The following MAX variants were observed in gnomAD, a reference collection of about 807,000 sequenced individuals.
The protein encoded by MAX is protein max.
Under a neutral mutation model 22.3 loss-of-function variants are expected in MAX, and 3 were observed. The observed-to-expected ratio is 0.13, with a 90% CI of 0.06 to 0.35. MAX has a LOEUF of 0.35. Ranked by LOEUF, MAX falls within the 10% of genes least tolerant of loss-of-function variation. MAX has a pLI of 1.00. For synonymous variants in MAX, 72 were observed against 77.7 expected (o/e 0.93, Z 0.39); for missense variants, 119 against 209.4 (o/e 0.57, Z 2.66).
At chr14:65,094,009 G>C in intron 2 of MAX, 194 bp from the exon 3 acceptor site, 1 of 633,316 alleles carries the variant, frequency 1.6e-6, no homozygotes, top group South Asian at 1.7e-5. Flanking sequence ...GGTGAGCAAC[G>C]CTTGCGACAG....
At chr14:65,050,865 CT>C (rs2062591105) in intron 3 of MAX, among the ~76,000 whole-genome samples, 1 of 152,170 alleles carries the variant, frequency 6.6e-6, no homozygotes, top group Non-Finnish European at 1.5e-5. Flanking sequence ...AGAAAATAAT[CT>C]TAAGCATACA....
chr14:65,077,879 C>T lies in MAX; in HGVS notation c.295+34G>A, dbSNP rs983390968. 1 of 1,614,074 alleles carries T rather than the reference C, an allele frequency of 6.2e-7. No individual in the cohort carries two copies. Among genetic ancestry groups the T allele is most frequent in the Non-Finnish European group, 8.5e-7 (1 of 1,180,036 alleles). On this transcript the variant is annotated intron_variant, in intron 4 of 4. Transcript: ENST00000358664. The surrounding 1 kb of genome is among the most constrained non-coding windows in gnomAD (Gnocchi z 6.3). ...AAAGCCTGACCTGGCTGGAGCACAG[C>T]AGGGCCAGCTGCCCCACGAGCTCGG... is the stretch of plus-strand genomic sequence containing the variant.
chr14:65,008,610 G>A (rs1240949517), intron 3 of MAX, among the ~76,000 whole-genome samples: 2 of 152,248 alleles, frequency 1.3e-5, no homozygotes, highest in Non-Finnish European at 2.9e-5. Context: ...TGAATCTGTA[G>A]GTGGAATAGG....
At position 65,093,581 on chromosome 14, in the gene MAX, TAAGGCAACC is replaced by T. The variant is rs2063575819; in HGVS notation, c.171+118_171+126del. The T allele has an allele frequency of 4.2e-6, 3 of 712,332 alleles. No homozygotes were observed. The highest frequency in any genetic ancestry group is 7.8e-6 in the Non-Finnish European group (3 of 384,476). 44.1% of individuals were successfully genotyped at this position (712,332 alleles called of 1,614,324 possible). On this transcript the variant is annotated intron_variant, in intron 3 of 4. Coordinates refer to ENST00000358664, the MANE Select transcript of MAX (RefSeq NM_002382.5). This position sits in a 1 kb window ranked among gnomAD's most constrained non-coding sequence, Gnocchi z 4.4. ...CAGTGATCCTCCAAACAGTCAAAAATAAGGCAACCATGCTACCTGAATATCTCTGACTAC... is the reference window on the plus strand; with the variant it reads ...CAGTGATCCTCCAAACAGTCAAAAATATGCTACCTGAATATCTCTGACTAC...
chr14:65,045,019 T>A (rs908596117), intron 3 of MAX, among the ~76,000 whole-genome samples: 2 of 152,054 alleles, frequency 1.3e-5, no homozygotes, highest in Non-Finnish European at 2.9e-5. Flanking sequence ...TAAATGGGAG[T>A]TTGTTCCACC....
rs2063037437 is a variant in MAX, at chr14:65,075,593, C to A, written c.*883G>T. The A allele has an allele frequency of 2.8e-6, 3 of 1,066,200 alleles. No individual in the cohort carries two copies. Among genetic ancestry groups the A allele is most frequent in the South Asian group, 9.1e-5 (2 of 21,996 alleles). The allele number at this position is 1,066,200 out of a possible 1,614,324, so 66.0% of individuals were successfully genotyped here. A position where few individuals can be genotyped will look rare whatever the true frequency, so the allele number is the denominator to read the frequency against. ...ATCTGTCGCTTTGCAAGACCGACAT[C>A]ATCAGAAATAGGTACAATTCACTCA... On this transcript the variant is annotated 3_prime_UTR_variant, in exon 5 of 5. Coordinates refer to ENST00000358664, the MANE Select transcript of MAX (RefSeq NM_002382.5). This position sits in a 1 kb window ranked among gnomAD's most constrained non-coding sequence, Gnocchi z 4.1.
Position 65,027,155 on chromosome 14 carries a change from C to T in MAX, c.172-20871G>A, listed in dbSNP as rs192968647. 5.3e-5 allele frequency among the ~76,000 whole-genome samples: 8 copies of T among 152,282 alleles called. No homozygotes were observed. Among genetic ancestry groups the T allele is most frequent in the Admixed American group, 1.3e-4 (2 of 15,288 alleles). ...CTGGGAAAGGTTTGTGTGGGAAGCA[C>T]GGGAGACTCTTACCCCATAGCTACG... On this transcript the variant is annotated intron_variant, in intron 3 of 3. Transcript: ENST00000341653. This position sits in a 1 kb window ranked among gnomAD's most constrained non-coding sequence, Gnocchi z 5.7.
At position 65,014,181 on chromosome 14, in the gene MAX, G is replaced by T. The variant is rs905472912; in HGVS notation, c.172-7897C>A. Among the ~76,000 whole-genome samples, 19 of 152,292 alleles carry T rather than the reference G, an allele frequency of 1.2e-4. No homozygotes were observed. Among genetic ancestry groups the T allele is most frequent in the Admixed American group, 2.6e-4 (4 of 15,298 alleles). On this transcript the variant is annotated intron_variant, in intron 3 of 3. Transcript: ENST00000341653. This position sits in a 1 kb window ranked among gnomAD's most constrained non-coding sequence, Gnocchi z 5.1. Reference sequence around the variant, plus strand: ...TTGCTATTTTTATAATCTGAAAAAGGTTAATCTTTGGACCTCATTTATATA... The same window carrying T: ...TTGCTATTTTTATAATCTGAAAAAGTTTAATCTTTGGACCTCATTTATATA...
intron 3 of MAX, among the ~76,000 whole-genome samples, chr14:65,039,801 G>T (rs563822021): frequency 2.6e-4 from 39 of 152,066 alleles, no homozygotes; most frequent in African/African-American, 7.5e-4. Flanking sequence ...TAAAAATAAC[G>T]TTTATTTTTT....
At chr14:65,070,548 G>T (rs546524380), downstream of MAX, among the ~76,000 whole-genome samples, 1 of 152,300 alleles carries the variant, frequency 6.6e-6, no homozygotes, top group South Asian at 2.1e-4. The surrounding 1 kb of genome is among the most constrained non-coding windows in gnomAD (Gnocchi z 4.4). Context: ...GAGGGGACCT[G>T]CTCGGCTGGT....
chr14:65,021,921 T>C (rs140793432), intron 3 of MAX: 113 of 455,910 alleles, frequency 2.5e-4, no homozygotes, highest in African/African-American at 1.9e-3. Flanking sequence ...GCTAGGATTA[T>C]AGGCGTGAGC....
intron 2 of MAX, among the ~76,000 whole-genome samples, chr14:65,097,216 G>C (rs997553005): frequency 6.6e-6 from 1 of 152,200 alleles, no homozygotes; most frequent in African/African-American, 2.4e-5. Context: ...CTTAAGTGTT[G>C]TTAGATGTTG....
rs879664043 is a variant in MAX at position 65,082,766 on chromosome 14, TA to T, written c.172-4731del. Among the ~76,000 whole-genome samples the T allele has an allele frequency of 4.1e-4, 57 of 138,592 alleles. No homozygotes were observed. The highest frequency in any genetic ancestry group is 6.6e-4 in the African/African-American group (25 of 37,658). The allele number at this position is 138,592 out of a possible 152,430, so 90.9% of individuals were successfully genotyped here. On this transcript the variant is annotated intron_variant, in intron 3 of 4. Transcript: ENST00000358664. The surrounding 1 kb of genome is among the most constrained non-coding windows in gnomAD (Gnocchi z 4.8). ...TGAAAAAAAAGAGTGAGACCCTGTA[TA>T]AAAAAAAAAAAGTGAAAAATGGTAG... is the stretch of plus-strand genomic sequence containing the variant.
rs867073997 is a variant in MAX, at chr14:65,009,318, A to C, written c.172-3034T>G. Among the ~76,000 whole-genome samples the C allele has an allele frequency of 6.6e-6, 1 of 152,054 alleles. No homozygotes were observed. Among genetic ancestry groups the C allele is most frequent in the Admixed American group, 6.6e-5 (1 of 15,262 alleles). On this transcript the variant is annotated intron_variant, in intron 3 of 3. Coordinates refer to the MAX transcript ENST00000341653. The surrounding 1 kb of genome is among the most constrained non-coding windows in gnomAD (Gnocchi z 4.2). ...CCTGAGGCTGCTGACTGGCTTCACCAACATGTTATATTTCTTAATTTCACT... is the reference window on the plus strand; with the variant it reads ...CCTGAGGCTGCTGACTGGCTTCACCCACATGTTATATTTCTTAATTTCACT...
chr14:65,076,789 T>A lies in MAX; in HGVS notation c.296-126A>T. 9.3e-7 allele frequency: 1 copy of A among 1,080,978 alleles called. No individual in the cohort carries two copies. The highest frequency in any genetic ancestry group is 1.4e-6 in the Non-Finnish European group (1 of 706,162). 67.0% of individuals were successfully genotyped at this position (1,080,978 alleles called of 1,614,324 possible). A position where few individuals can be genotyped will look rare whatever the true frequency, so the allele number is the denominator to read the frequency against. ...TGTTGGCCCCCGAGGCTCAAGATGC[T>A]CAGAAGTAGCTCCCTTCGGGTGGCT... On this transcript the variant is annotated intron_variant, in intron 4 of 4. Transcript: ENST00000358664. The surrounding 1 kb of genome is among the most constrained non-coding windows in gnomAD (Gnocchi z 6.6).
chr14:65,099,791 G>A, intron 2 of MAX, among the ~76,000 whole-genome samples: 1 of 152,158 alleles, frequency 6.6e-6, no homozygotes, highest in East Asian at 1.9e-4. Flanking sequence ...ATATGCATAA[G>A]TATATGAGAA....
chr14:65,015,505 G>T, intron 3 of MAX: 18 of 641,188 alleles, frequency 2.8e-5, no homozygotes, highest in East Asian at 1.4e-4. Context: ...ATTGTTGTTT[G>T]AGCAAGGGTG....
intron 2 of MAX, among the ~76,000 whole-genome samples, chr14:65,094,726 T>G (rs535897567): frequency 6.6e-6 from 1 of 152,200 alleles, no homozygotes; most frequent in Non-Finnish European, 1.5e-5. Flanking sequence ...GCAGAAGAGA[T>G]AGCGCTGGAG....
rs1249327524 is a variant in MAX, at chr14:65,029,962, G to A, written c.172-23678C>T. 1.3e-5 allele frequency among the ~76,000 whole-genome samples: 2 copies of A among 152,192 alleles called. No homozygotes were observed. Among genetic ancestry groups the A allele is most frequent in the Non-Finnish European group, 2.9e-5 (2 of 68,036 alleles). On this transcript the variant is annotated intron_variant, in intron 3 of 3. Transcript: ENST00000341653. This position sits in a 1 kb window ranked among gnomAD's most constrained non-coding sequence, Gnocchi z 4.7. ...GGATTTGGGTGATGGCAGCAAGGAT[G>A]GAAAGTTAGTGGACAAATTCAAATT...
Sources: allele counts gnomAD v4.1 joint callset (sites outside exome capture counted in the v4.1 genomes callset), GRCh38; gene constraint gnomAD v4.1.1; non-coding constraint Gnocchi (gnomAD v3.1); transcripts MANE v1.5; gene names NCBI Gene and HGNC (gene_info 2026-07-23, HGNC 2026-07-21).